CPNE8: variants seen among roughly 807,000 people sequenced by gnomAD.
CPNE8 encodes the protein copine-8.
In CPNE8, 45 loss-of-function variants were observed where a neutral mutation model predicts 81.5. The ratio of observed to expected loss-of-function variants is 0.55; its 90% confidence interval spans 0.44 to 0.71. The LOEUF (loss-of-function observed/expected upper bound fraction) is 0.71. CPNE8 is among the 30% of genes least tolerant of loss of function. The pLI, the probability that CPNE8 is intolerant of heterozygous loss-of-function variation, is 0.00. For synonymous variants in CPNE8, 252 were observed against 226.3 expected, an observed-to-expected ratio of 1.11 and a Z score of -1.02; for missense variants, 594 against 672.1, an observed-to-expected ratio of 0.88 and a Z score of 1.28.
chr12:38,689,179 C>A (rs368940060), intron 15 of CPNE8, among the ~76,000 whole-genome samples: 1 of 152,166 alleles, frequency 6.6e-6, no homozygotes, highest in African/African-American at 2.4e-5. Context: ...TAATTAACAA[C>A]CTTTCCATTT....
At chr12:38,725,290 T>C (rs1156778031) in intron 11 of CPNE8, among the ~76,000 whole-genome samples, 1 of 152,186 alleles carries the variant, frequency 6.6e-6, no homozygotes, top group African/African-American at 2.4e-5. Context: ...TAGCAAATCA[T>C]CCAATGTGTG....
intron 10 of CPNE8, among the ~76,000 whole-genome samples, chr12:38,758,563 G>C (rs1941511080): frequency 6.6e-6 from 1 of 152,126 alleles, no homozygotes; most frequent in Non-Finnish European, 1.5e-5. Context: ...CAGGGTTCAA[G>C]CCCTGGTTCC....
chr12:38,715,284 A>G (rs1269631260), intron 13 of CPNE8, among the ~76,000 whole-genome samples: 1 of 152,142 alleles, frequency 6.6e-6, no homozygotes, highest in Non-Finnish European at 1.5e-5. Context: ...AGAGGACAAA[A>G]TAAATTCAAG....
At chr12:38,700,240 T>C (rs1279577999) in intron 14 of CPNE8, among the ~76,000 whole-genome samples, 1 of 43,472 alleles carries the variant, frequency 2.3e-5, no homozygotes, top group South Asian at 1.2e-3. Flanking sequence ...AGTCCCCTTC[T>C]TTTTTTTTTT....
intron 6 of CPNE8, among the ~76,000 whole-genome samples, chr12:38,790,641 A>T (rs1321168082): frequency 6.6e-6 from 1 of 151,678 alleles, no homozygotes; most frequent in East Asian, 1.9e-4. Flanking sequence ...GCTTGAGGGG[A>T]TGGATACCAT....
At chr12:38,893,890 A>T (rs1592160901) in intron 1 of CPNE8, among the ~76,000 whole-genome samples, 1 of 152,238 alleles carries the variant, frequency 6.6e-6, no homozygotes, top group Non-Finnish European at 1.5e-5. Flanking sequence ...AGACATTCTG[A>T]GATAAATATT....
At chr12:38,830,999 G>C (rs750363033) in intron 5 of CPNE8, among the ~76,000 whole-genome samples, 1 of 152,158 alleles carries the variant, frequency 6.6e-6, no homozygotes, top group Non-Finnish European at 1.5e-5. Context: ...TGTTGGAGGT[G>C]GGGAAAGTGG....
At chr12:38,765,987 T>C (rs1941679112) in intron 8 of CPNE8, among the ~76,000 whole-genome samples, 1 of 152,112 alleles carries the variant, frequency 6.6e-6, no homozygotes, top group Non-Finnish European at 1.5e-5. Context: ...GCCTCCCAAG[T>C]AGCTGGCATT....
chr12:38,827,699 C>T (rs1038081758), intron 6 of CPNE8, among the ~76,000 whole-genome samples: 1 of 152,152 alleles, frequency 6.6e-6, no homozygotes, highest in African/African-American at 2.4e-5. Context: ...GGCCATTATC[C>T]TAAGCAAATT....
chr12:38,751,937 G>C (rs1344465589), intron 10 of CPNE8, among the ~76,000 whole-genome samples: 1 of 151,998 alleles, frequency 6.6e-6, no homozygotes, highest in African/African-American at 2.4e-5. Context: ...CTGCTACGCT[G>C]CTCTCTTTAC....
chr12:38,660,654 G>T (rs1938931095), intron 19 of CPNE8, among the ~76,000 whole-genome samples: 1 of 151,850 alleles, frequency 6.6e-6, no homozygotes, highest in African/African-American at 2.4e-5. Flanking sequence ...CACAGCAAAA[G>T]ACTACCATCA....
chr12:38,902,221 AAG>A (rs1303923310), intron 1 of CPNE8, among the ~76,000 whole-genome samples: 1 of 140,990 alleles, frequency 7.1e-6, no homozygotes, highest in Non-Finnish European at 1.5e-5. Context: ...AAGAAAGAGA[AAG>A]AGAAAGAAGG....
At chr12:38,743,411 A>T (rs1286712263) in intron 10 of CPNE8, among the ~76,000 whole-genome samples, 1 of 152,116 alleles carries the variant, frequency 6.6e-6, no homozygotes. Context: ...CTTAATGTAG[A>T]CTATATTATC....
At chr12:38,842,135 G>T (rs1203193979) in intron 4 of CPNE8, among the ~76,000 whole-genome samples, 1 of 151,812 alleles carries the variant, frequency 6.6e-6, no homozygotes, top group African/African-American at 2.4e-5. Context: ...CTATAGCCTG[G>T]AATTTTAAAT....
intron 10 of CPNE8, among the ~76,000 whole-genome samples, chr12:38,760,391 C>T (rs1941546822): frequency 6.8e-6 from 1 of 146,664 alleles, no homozygotes; most frequent in African/African-American, 2.6e-5. Flanking sequence ...ACTATTTGGT[C>T]TGGCAATGAC....
chr12:38,785,751 A>G (rs1942169634), intron 6 of CPNE8, among the ~76,000 whole-genome samples: 1 of 152,198 alleles, frequency 6.6e-6, no homozygotes. Context: ...AAAAAGTTAA[A>G]AAGCAGAGGA....
intron 6 of CPNE8, among the ~76,000 whole-genome samples, chr12:38,806,399 C>A (rs1269269050): frequency 3.4e-5 from 5 of 149,144 alleles, no homozygotes; most frequent in Non-Finnish European, 6.0e-5. Context: ...AAAAGCTTAT[C>A]CACCATGATC....
At position 38,677,443 on chromosome 12, in the gene CPNE8, C is replaced by G; in HGVS notation, c.1374+9G>C. 3 of 1,499,306 alleles carry G rather than the reference C, an allele frequency of 2.0e-6. No homozygotes were observed. The highest frequency in any genetic ancestry group is 2.8e-6 in the Non-Finnish European group (3 of 1,076,088). 92.9% of individuals were successfully genotyped at this position (1,499,306 alleles called of 1,614,324 possible). On this transcript the variant is annotated intron_variant, in intron 17 of 19. Coordinates refer to ENST00000331366, the MANE Select transcript of CPNE8 (RefSeq NM_153634.3). ...GTAGCGAGCCCAATACGGAGTGACC[C>G]CCACTTACATTAACTATGGACTCCT... is the stretch of plus-strand genomic sequence containing the variant.
chr12:38,856,842 C>T (rs1430717481), intron 3 of CPNE8, among the ~76,000 whole-genome samples: 50 of 152,014 alleles, frequency 3.3e-4, no homozygotes, highest in Admixed American at 3.3e-3. Flanking sequence ...TTTCAGTATA[C>T]ATGTACTATC....
Sources: allele counts gnomAD v4.1 joint callset (sites outside exome capture counted in the v4.1 genomes callset), GRCh38; gene constraint gnomAD v4.1.1; transcripts MANE v1.5; gene names NCBI Gene and HGNC (gene_info 2026-07-23, HGNC 2026-07-21).